The following SEC23B variants were observed in gnomAD, a reference collection of about 807,000 sequenced individuals.
SEC23B encodes protein transport protein Sec23B.
Under a neutral mutation model 104.3 loss-of-function variants are expected in SEC23B, and 77 were observed. The ratio of observed to expected loss-of-function variants is 0.74; its 90% CI spans 0.61 to 0.89. The LOEUF is 0.89. Among genes scored for constraint, SEC23B ranks in the 40% least tolerant of loss-of-function variants. The probability of loss-of-function intolerance (pLI) is 0.00; values close to 1 mark genes in which losing one functional copy is unlikely to be tolerated. For missense variants in SEC23B, 885 were observed against 949.4 expected (o/e 0.93, Z 0.89); for synonymous variants, 338 against 332.5 (o/e 1.02, Z -0.18).
intron 9 of SEC23B, among the ~76,000 whole-genome samples, chr20:18,530,328 T>G (rs1390174607): frequency 1.3e-5 from 2 of 152,272 alleles, no homozygotes; most frequent in Non-Finnish European, 2.9e-5. Flanking sequence ...CTTGGTTCGC[T>G]GCAACCTCTG....
intron 17 of SEC23B, among the ~76,000 whole-genome samples, chr20:18,551,859 A>T (rs996205371): frequency 6.6e-6 from 1 of 152,158 alleles, no homozygotes; most frequent in African/African-American, 2.4e-5. Context: ...CTGTTCTTTC[A>T]GAGTTATATA....
rs114420786 is a variant in SEC23B at position 18,550,165 on chromosome 20, G to A, written c.1906-924G>A. The stretch of plus-strand genomic sequence containing the variant: ...TATTACTTACAAATAAATAATAAAC[G>A]TATTTTTTTTTGAGATGGGGTGTCT... On this transcript the variant is annotated intron_variant, in intron 16 of 19. Coordinates refer to ENST00000650089, the MANE Select transcript of SEC23B (RefSeq NM_006363.6). Among the ~76,000 whole-genome samples, 776 of 140,870 alleles carry A rather than the reference G, an allele frequency of 5.5e-3. 9 individuals are homozygous for A. The highest frequency in any genetic ancestry group is 0.044 in the South Asian group (189 of 4,330). 92.4% of individuals were successfully genotyped at this position (140,870 alleles called of 152,430 possible). A position where few individuals can be genotyped will look rare whatever the true frequency, so the allele number is the denominator to read the frequency against.
At chr20:18,551,274 A>C (rs906151168) in intron 17 of SEC23B, 99 bp downstream of exon 17, 6 of 699,952 alleles carry the variant, frequency 8.6e-6, no homozygotes, top group African/African-American at 3.6e-5. Context: ...ATTGTCCTTA[A>C]CTATGGTTTT....
chr20:18,559,594 G>A (rs1359033086), intron 19 of SEC23B, among the ~76,000 whole-genome samples: 2 of 152,132 alleles, frequency 1.3e-5, no homozygotes, highest in Non-Finnish European at 2.9e-5. Context: ...TTTGCCCGGA[G>A]TACAGTGGTT....
Position 18,548,198 on chromosome 20 carries a change from G to A in SEC23B, c.1744-411G>A, listed in dbSNP as rs543138887. On this transcript the variant is annotated intron_variant, in intron 15 of 19. Transcript: ENST00000650089. ...ACTCCCGACCTCAGGTGATCCGCCC[G>A]CCTCGGCCTCCCAAAGTGCTGGGAT... Among the ~76,000 whole-genome samples, 179 of 152,156 alleles carry A rather than the reference G, an allele frequency of 1.2e-3. 2 individuals carry two copies. The highest frequency in any genetic ancestry group is 4.1e-3 in the African/African-American group (172 of 41,520).
Position 18,526,357 on chromosome 20 carries a change from C to A in SEC23B, c.835-16C>A. On this transcript the variant is annotated splice_polypyrimidine_tract_variant and intron_variant, in intron 7 of 19. Transcript: ENST00000650089. ...GAGGCTGTATACTTCTAACATGCTG[C>A]CATTCGCTATTTTAGGGCACTTTTC... The A allele has an allele frequency of 6.2e-7, 1 of 1,613,966 alleles. No homozygotes were observed. The highest frequency in any genetic ancestry group is 8.5e-7 in the Non-Finnish European group (1 of 1,179,872).
chr20:18,516,210 A>G (rs1157142252), intron 4 of SEC23B, among the ~76,000 whole-genome samples: 5 of 144,138 alleles, frequency 3.5e-5, no homozygotes. Context: ...ACCATTGCCT[A>G]TTTATACATT....
chr20:18,512,254 C>G lies in SEC23B; in HGVS notation c.251C>G (p.Ala84Gly). Residue 84 changes from alanine to glycine, a missense_variant, in exon 3 of 20, where the codon GCC becomes GGC. Physicochemically the swap from Ala to Gly is moderately conservative, Grantham distance 60. Transcript: ENST00000650089. ...GTTGATTATCGAGCAAAACTTTGGG[C>G]CTGTAATTTCTGTTTTCAAAGAAAT... ...CQVDYRAKLW[A>G]CNFCFQRNQF... 1 of 1,591,752 alleles carries G rather than the reference C, an allele frequency of 6.3e-7. No individual in the cohort carries two copies.
intron 4 of SEC23B, among the ~76,000 whole-genome samples, chr20:18,522,870 A>T (rs1178507032): frequency 6.6e-6 from 1 of 151,974 alleles, no homozygotes; most frequent in Non-Finnish European, 1.5e-5. Context: ...ATCCTGGCTA[A>T]CACAGTGAAA....
At chr20:18,531,106 C>T (rs2060183036) in intron 10 of SEC23B, among the ~76,000 whole-genome samples, 1 of 152,260 alleles carries the variant, frequency 6.6e-6, no homozygotes, top group Non-Finnish European at 1.5e-5. Flanking sequence ...CCCTTTGCTT[C>T]TTGAGGATGA....
chr20:18,519,928 T>C (rs1424751811), intron 4 of SEC23B, among the ~76,000 whole-genome samples: 2 of 151,952 alleles, frequency 1.3e-5, no homozygotes, highest in Non-Finnish European at 2.9e-5. Flanking sequence ...GAGGAAGAAA[T>C]TTGAGCTTGA....
At chr20:18,552,550 A>G (rs2060397950) in intron 17 of SEC23B, among the ~76,000 whole-genome samples, 1 of 152,248 alleles carries the variant, frequency 6.6e-6, no homozygotes, top group Admixed American at 6.5e-5. Flanking sequence ...GTGGTAGTTC[A>G]TGCCTGTAAT....
chr20:18,519,852 C>G (rs2060067101), intron 4 of SEC23B, among the ~76,000 whole-genome samples: 1 of 152,120 alleles, frequency 6.6e-6, no homozygotes, highest in African/African-American at 2.4e-5. Flanking sequence ...GGAGATTAGT[C>G]AGACATGGTC....
At position 18,542,281 on chromosome 20, in the gene SEC23B, C is replaced by T. The variant is rs752019623; in HGVS notation, c.1405-15C>T. Reference sequence around the variant, plus strand: ...GCGCCTATAACAGACAAGGTTATGGCCTCTCATCCTACAGCACAACACCCC... The same window carrying T: ...GCGCCTATAACAGACAAGGTTATGGTCTCTCATCCTACAGCACAACACCCC... On this transcript the variant is annotated splice_polypyrimidine_tract_variant and intron_variant, in intron 12 of 19. Transcript: ENST00000650089. 1.9e-6 allele frequency: 3 copies of T among 1,610,430 alleles called. No homozygotes were observed. The highest frequency in any genetic ancestry group is 1.7e-5 in the Admixed American group (1 of 59,980).
intron 14 of SEC23B, among the ~76,000 whole-genome samples, chr20:18,544,843 GA>G (rs1363978163): frequency 6.6e-6 from 1 of 152,118 alleles, no homozygotes; most frequent in Non-Finnish European, 1.5e-5. Flanking sequence ...GATGTAAACT[GA>G]AAGAATTGAT....
intron 4 of SEC23B, among the ~76,000 whole-genome samples, chr20:18,520,402 C>T (rs992434373): frequency 3.4e-5 from 3 of 88,236 alleles, no homozygotes; most frequent in Non-Finnish European, 9.3e-5. Flanking sequence ...GGCGTGTGAT[C>T]GGTTGCCAGA....
chr20:18,529,527 C>T (rs113033781), intron 9 of SEC23B, among the ~76,000 whole-genome samples: 211 of 152,160 alleles, frequency 1.4e-3, no homozygotes, highest in Non-Finnish European at 2.7e-3. Context: ...ATGTTGCTTT[C>T]GTCATCATTA....
intron 3 of SEC23B, 107 bp from the exon 4 acceptor site, chr20:18,515,543 G>A: frequency 1.4e-6 from 1 of 717,280 alleles, no homozygotes; most frequent in Non-Finnish European, 2.5e-6. Flanking sequence ...GAGCTCCTGA[G>A]CTCAAGTGTT....
At chr20:18,547,063 G>A (rs538701555) in intron 15 of SEC23B, among the ~76,000 whole-genome samples, 6 of 152,104 alleles carry the variant, frequency 3.9e-5, no homozygotes, top group East Asian at 1.9e-4. Context: ...TCATCCCTGG[G>A]CCCCTGAGGA....
Sources: gnomAD v4.1 joint callset for allele counts (sites outside exome capture counted in the v4.1 genomes callset) on GRCh38, gnomAD v4.1.1 for gene constraint, MANE v1.5 for transcripts, NCBI Gene and HGNC (gene_info 2026-07-23, HGNC 2026-07-21) for gene names.